DRC11: variants seen among roughly 807,000 people sequenced by gnomAD.
DRC11 encodes dynein regulatory complex subunit 11, also known as IQ and AAA domain-containing protein 1.
chr2:236,434,021 GT>G, the DRC11 span, among the ~76,000 whole-genome samples: 1 of 152,196 alleles, frequency 6.6e-6, no homozygotes, highest in African/African-American at 2.4e-5. The surrounding 1 kb of genome is among the most constrained non-coding windows in gnomAD (Gnocchi z 5.5). Flanking sequence ...GGAGCTTATG[GT>G]TTTCCCTTTT....
chr2:236,354,641 C>A, the DRC11 span, among the ~76,000 whole-genome samples: 34 of 152,152 alleles, frequency 2.2e-4, no homozygotes, highest in African/African-American at 7.5e-4. Flanking sequence ...TTCTGGGTTG[C>A]CTAAACATTT....
the DRC11 span, among the ~76,000 whole-genome samples, chr2:236,326,392 A>G: frequency 6.6e-6 from 1 of 151,978 alleles, no homozygotes; most frequent in African/African-American, 2.4e-5. Flanking sequence ...TATGGATTTT[A>G]CCTTCTTGTT....
At chr2:236,436,605 T>C in the DRC11 span, among the ~76,000 whole-genome samples, 2 of 152,294 alleles carry the variant, frequency 1.3e-5, no homozygotes, top group Admixed American at 6.5e-5. Context: ...CCCCATTTAT[T>C]TGGAATGTCA....
chr2:236,347,601 A>G, the DRC11 span, among the ~76,000 whole-genome samples: 4 of 151,110 alleles, frequency 2.6e-5, no homozygotes, highest in African/African-American at 9.7e-5. Flanking sequence ...ATTGGAGACT[A>G]TTATTCTAAG....
chr2:236,401,194 G>A, the DRC11 span, among the ~76,000 whole-genome samples: 4 of 152,000 alleles, frequency 2.6e-5, no homozygotes, highest in South Asian at 2.1e-4. This position sits in a 1 kb window ranked among gnomAD's most constrained non-coding sequence, Gnocchi z 4.6. Context: ...TGCCCTTGCC[G>A]CCTCCTGCCT....
the DRC11 span, among the ~76,000 whole-genome samples, chr2:236,415,983 G>C: frequency 1.1e-4 from 16 of 152,094 alleles, no homozygotes; most frequent in African/African-American, 3.9e-4. The surrounding 1 kb of genome is among the most constrained non-coding windows in gnomAD (Gnocchi z 5.7). Flanking sequence ...TGTATTCAGG[G>C]GGCTTTTTTT....
At chr2:236,318,788 T>C in the DRC11 span, among the ~76,000 whole-genome samples, 18 of 152,036 alleles carry the variant, frequency 1.2e-4, no homozygotes, top group Admixed American at 1.0e-3. The surrounding 1 kb of genome is among the most constrained non-coding windows in gnomAD (Gnocchi z 7.0). Flanking sequence ...TGACCCAAGG[T>C]CACTCAGAAG....
At chr2:236,430,388 C>T in the DRC11 span, among the ~76,000 whole-genome samples, 2 of 152,180 alleles carry the variant, frequency 1.3e-5, no homozygotes, top group Non-Finnish European at 2.9e-5. This position sits in a 1 kb window ranked among gnomAD's most constrained non-coding sequence, Gnocchi z 6.0. Context: ...CAGGTATACA[C>T]ACAAATGCAC....
At chr2:236,482,312 A>G in the DRC11 span, among the ~76,000 whole-genome samples, 1 of 152,156 alleles carries the variant, frequency 6.6e-6, no homozygotes, top group African/African-American at 2.4e-5. The surrounding 1 kb of genome is among the most constrained non-coding windows in gnomAD (Gnocchi z 4.5). Flanking sequence ...GAATACTAAA[A>G]TAAGTTATTC....
the DRC11 span, among the ~76,000 whole-genome samples, chr2:236,321,761 C>A: frequency 6.6e-6 from 1 of 152,134 alleles, no homozygotes; most frequent in Non-Finnish European, 1.5e-5. Flanking sequence ...TAGCCTCATG[C>A]ATTTCAAGGA....
the DRC11 span, among the ~76,000 whole-genome samples, chr2:236,433,580 A>G: frequency 1.3e-5 from 2 of 152,210 alleles, no homozygotes; most frequent in African/African-American, 4.8e-5. Context: ...TGCTTTCTGC[A>G]TGTTAATTTT....
chr2:236,486,995 G>T, the DRC11 span: 1 of 871,876 alleles, frequency 1.1e-6, no homozygotes, highest in Non-Finnish European at 1.8e-6. The surrounding 1 kb of genome is among the most constrained non-coding windows in gnomAD (Gnocchi z 5.7). Context: ...ATCTCAAAAT[G>T]CCAACTAATC....
At chr2:236,406,404 A>G in the DRC11 span, among the ~76,000 whole-genome samples, 1 of 152,184 alleles carries the variant, frequency 6.6e-6, no homozygotes, top group Non-Finnish European at 1.5e-5. This position sits in a 1 kb window ranked among gnomAD's most constrained non-coding sequence, Gnocchi z 4.7. Flanking sequence ...AACATCTCAC[A>G]CTGGTAGGGC....
chr2:236,422,899 A>G, the DRC11 span, among the ~76,000 whole-genome samples: 3 of 152,006 alleles, frequency 2.0e-5, no homozygotes, highest in East Asian at 1.9e-4. Context: ...ATAATGCCGC[A>G]TATCTACAAC....
chr2:236,432,593 T>C, the DRC11 span, among the ~76,000 whole-genome samples: 1 of 152,202 alleles, frequency 6.6e-6, no homozygotes. Context: ...TTTGCTGTTT[T>C]TTGTATTGGG....
chr2:236,388,185 T>C, the DRC11 span, among the ~76,000 whole-genome samples: 1 of 152,058 alleles, frequency 6.6e-6, no homozygotes, highest in African/African-American at 2.4e-5. Flanking sequence ...GTTCTCTGTA[T>C]TTCCTGAATC....
chr2:236,352,714 C>T, the DRC11 span, among the ~76,000 whole-genome samples: 2 of 152,136 alleles, frequency 1.3e-5, no homozygotes, highest in Non-Finnish European at 2.9e-5. This position sits in a 1 kb window ranked among gnomAD's most constrained non-coding sequence, Gnocchi z 7.0. Flanking sequence ...TACTGCTTTA[C>T]GGGCTGCCTT....
the DRC11 span, among the ~76,000 whole-genome samples, chr2:236,427,807 G>T: frequency 6.6e-6 from 1 of 151,380 alleles, no homozygotes; most frequent in Non-Finnish European, 1.5e-5. The surrounding 1 kb of genome is among the most constrained non-coding windows in gnomAD (Gnocchi z 5.9). Flanking sequence ...TCTTTTTCTA[G>T]TTCCTTGAGG....
the DRC11 span, chr2:236,380,600 C>T: frequency 6.4e-7 from 1 of 1,551,574 alleles, no homozygotes; most frequent in Non-Finnish European, 8.7e-7. This position sits in a 1 kb window ranked among gnomAD's most constrained non-coding sequence, Gnocchi z 4.9. Context: ...TCCTTCTTTG[C>T]CTTCTTCTCT....
Sources: gnomAD v4.1 joint callset for allele counts (sites outside exome capture counted in the v4.1 genomes callset) on GRCh38, gnomAD v4.1.1 for gene constraint, Gnocchi (gnomAD v3.1) non-coding constraint, MANE v1.5 for transcripts, NCBI Gene and HGNC (gene_info 2026-07-23, HGNC 2026-07-21) for gene names.